Variants in TMEM145 observed in about 807,000 individuals in gnomAD.
The protein encoded by TMEM145 is transmembrane protein 145.
In TMEM145, 46 loss-of-function variants were observed where a neutral mutation model predicts 68.5. The ratio of observed to expected loss-of-function variants is 0.67; its 90% confidence interval spans 0.53 to 0.86. TMEM145 has a LOEUF of 0.86. Ranked by LOEUF, TMEM145 falls within the 40% of genes least tolerant of loss-of-function variation. The pLI is 0.00. For synonymous variants in TMEM145, 255 were observed against 280.2 expected, an observed-to-expected ratio of 0.91 and a Z score of 0.90; for missense variants, 570 against 645.8, an observed-to-expected ratio of 0.88 and a Z score of 1.27.
chr19:42,323,878 C>A, intron 14 of TMEM145, 89 bp downstream of exon 14: 2 of 1,200,352 alleles, frequency 1.7e-6, no homozygotes, highest in Non-Finnish European at 2.4e-6. Flanking sequence ...CCGCCCCCAG[C>A]GCCCGGACCC....
At position 42,314,353 on chromosome 19, in the gene TMEM145, C is replaced by A; in HGVS notation, c.195+7C>A. 3 of 1,614,070 alleles carry A rather than the reference C, an allele frequency of 1.9e-6. No individual in the cohort carries two copies. The highest frequency in any genetic ancestry group is 1.7e-6 in the Non-Finnish European group (2 of 1,180,018). ...CCGTTTCCGCTACCCTGAGGTGAGTCTCCCCCAACACTCGCCATGCTGAGG... is the reference window on the plus strand; with the variant it reads ...CCGTTTCCGCTACCCTGAGGTGAGTATCCCCCAACACTCGCCATGCTGAGG... On this transcript the variant is annotated splice_region_variant and intron_variant, in intron 2 of 14. Coordinates refer to ENST00000301204, the MANE Select transcript of TMEM145 (RefSeq NM_173633.3).
At position 42,313,523 on chromosome 19, in the gene TMEM145, G is replaced by T; in HGVS notation, c.120+27G>T. On this transcript the variant is annotated intron_variant, in intron 1 of 14. Coordinates refer to ENST00000301204, the MANE Select transcript of TMEM145 (RefSeq NM_173633.3). The surrounding 1 kb of genome is among the most constrained non-coding windows in gnomAD (Gnocchi z 5.1). ...TGAGCATGCCGAGCCCTCCTCTGCG[G>T]CCCGCCGGCCCCCGGGGGACGCAAG... 7.9e-7 allele frequency: 1 copy of T among 1,258,406 alleles called. No individual in the cohort carries two copies. Among genetic ancestry groups the T allele is most frequent in the Non-Finnish European group, 1.0e-6 (1 of 995,190 alleles). The allele number at this position is 1,258,406 out of a possible 1,614,324, so 78.0% of individuals were successfully genotyped here. A position where few individuals can be genotyped will look rare whatever the true frequency, so the allele number is the denominator to read the frequency against.
rs2038876003 is a variant in TMEM145, at chr19:42,317,996, G to A, written c.1073+115G>A. 7.5e-6 allele frequency: 9 copies of A among 1,194,700 alleles called. No individual in the cohort carries two copies. The African/African-American group carries it at 9.1e-5, about 12-fold the overall frequency. The allele number at this position is 1,194,700 out of a possible 1,614,324, so 74.0% of individuals were successfully genotyped here. On this transcript the variant is annotated intron_variant, in intron 12 of 14. Transcript: ENST00000301204. ...GGGAGATGGACTTTTCACTCAGGCA[G>A]CTGTTGCCCAGAATCTGCCACTTAC...
chr19:42,317,976 A>G, intron 12 of TMEM145, 95 bp downstream of exon 12: 1 of 1,379,926 alleles, frequency 7.2e-7, no homozygotes, highest in Non-Finnish European at 1.0e-6. Context: ...AGTGAGGGAG[A>G]TGGACTTTTC....
intron 12 of TMEM145, among the ~76,000 whole-genome samples, chr19:42,319,827 T>A (rs2038895078): frequency 6.8e-6 from 1 of 148,124 alleles, no homozygotes; most frequent in Non-Finnish European, 1.5e-5. Context: ...TGGTACAATC[T>A]CCGCTCACTG....
At chr19:42,320,260 T>C (rs1004911998) in intron 12 of TMEM145, 57 bp from the exon 13 acceptor site, 8 of 1,605,580 alleles carry the variant, frequency 5.0e-6, no homozygotes, top group Non-Finnish European at 6.8e-6. Flanking sequence ...GGTGGGGCTA[T>C]AGGGTGGGGT....
In TMEM145 at chr19:42,323,783, C is replaced by A. The variant is rs1453906775; in HGVS notation, c.1395C>A (p.Ala465=). The change falls in exon 14 of 15, where the codon GCC becomes GCA. Residue 465 remains alanine, a synonymous_variant. Coordinates refer to ENST00000301204, the MANE Select transcript of TMEM145 (RefSeq NM_173633.3). ...FTELFSIPPP[A]TSPLPRAAPD... is the part of the protein sequence containing the mutation. ...AGCTCTTCTCCATCCCCCCGCCCGC[C>A]ACCTCCGTAAGCCCCGCGGCCCCAG... is the stretch of plus-strand genomic sequence containing the variant. The A allele has an allele frequency of 5.6e-6, 9 of 1,613,892 alleles. No individual in the cohort carries two copies. The highest frequency in any genetic ancestry group is 7.6e-6 in the Non-Finnish European group (9 of 1,179,904).
In TMEM145 at chr19:42,323,667, C is replaced by T. The variant is rs1268019571; in HGVS notation, c.1279C>T (p.Pro427Ser). The part of the protein sequence containing the change: ...SQIASAGVPG[P>S]GGSQSADKAF... ...GATCGCTTCAGCCGGAGTCCCTGGA[C>T]CCGGAGGGAGCCAATCCGCTGACAA... The change falls in exon 14 of 15, where the codon CCC becomes TCC. Residue 427 changes from proline to serine, a missense_variant. Transcript: ENST00000301204. 3 of 1,614,176 alleles carry T rather than the reference C, an allele frequency of 1.9e-6. No homozygotes were observed. The highest frequency in any genetic ancestry group is 1.6e-4 in the Middle Eastern group (1 of 6,062).
At position 42,314,350 on chromosome 19, in the gene TMEM145, A is replaced by G; in HGVS notation, c.195+4A>G. On this transcript the variant is annotated splice_donor_region_variant and intron_variant, in intron 2 of 14. Coordinates refer to ENST00000301204, the MANE Select transcript of TMEM145 (RefSeq NM_173633.3). ...CTTCCGTTTCCGCTACCCTGAGGTGAGTCTCCCCCAACACTCGCCATGCTG... is the reference window on the plus strand; with the variant it reads ...CTTCCGTTTCCGCTACCCTGAGGTGGGTCTCCCCCAACACTCGCCATGCTG... The G allele has an allele frequency of 6.2e-7, 1 of 1,613,934 alleles. No homozygotes were observed. The highest frequency in any genetic ancestry group is 8.5e-7 in the Non-Finnish European group (1 of 1,179,982).
In TMEM145 at chr19:42,316,866, C is replaced by T. The variant is rs963527421; in HGVS notation, c.807-4C>T. 6.2e-7 allele frequency: 1 copy of T among 1,613,076 alleles called. No homozygotes were observed. The highest frequency in any genetic ancestry group is 1.1e-5 in the South Asian group (1 of 91,078). ...TGCTGTCTCCCCTCATGGCCTGCTG[C>T]CAGGGGCCGCATCAGCCACGCGGGC... is the stretch of plus-strand genomic sequence containing the variant. On this transcript the variant is annotated splice_region_variant and splice_polypyrimidine_tract_variant and intron_variant, in intron 10 of 14. Transcript: ENST00000301204.
intron 14 of TMEM145, chr19:42,324,372 C>T (rs375268286): frequency 6.1e-6 from 6 of 985,150 alleles, no homozygotes; most frequent in East Asian, 1.1e-4. Context: ...GCCTCCCCCC[C>T]ACTTCCCGCT....
Position 42,313,630 on chromosome 19 carries a change from G to C in TMEM145, c.120+134G>C. 1.6e-6 allele frequency: 1 copy of C among 632,686 alleles called. No individual in the cohort carries two copies. The allele number at this position is 632,686 out of a possible 1,614,324, so 39.2% of individuals were successfully genotyped here. A position where few individuals can be genotyped will look rare whatever the true frequency, so the allele number is the denominator to read the frequency against. ...GGGAGCCTCGGGGGAGTGGGGCCGA[G>C]GGCGATGGGGGACTGGGCCAGAGTC... On this transcript the variant is annotated intron_variant, in intron 1 of 14. Transcript: ENST00000301204. This position sits in a 1 kb window ranked among gnomAD's most constrained non-coding sequence, Gnocchi z 5.1.
chr19:42,314,826 G>C lies in TMEM145; in HGVS notation c.395G>C (p.Cys132Ser). Residue 132 changes from cysteine to serine, a missense_variant, in exon 5 of 15, where the codon TGC becomes TCC. Cys to Ser is a moderately radical substitution (Grantham distance 112). Transcript: ENST00000301204. ...VSEEGTRYLS[C>S]SSGRSFRSGD... is the part of the protein sequence containing the mutation. The stretch of plus-strand genomic sequence containing the variant: ...GAGGAGGGAACCCGCTACCTGAGCT[G>C]CTCCAGTGGCCGCAGCTTCCGCTCA... 6.2e-7 allele frequency: 1 copy of C among 1,614,202 alleles called. No individual in the cohort carries two copies. Among genetic ancestry groups the C allele is most frequent in the Non-Finnish European group, 8.5e-7 (1 of 1,180,026 alleles).
At chr19:42,317,099 C>T in intron 11 of TMEM145, 136 bp downstream of exon 11, 1 of 728,172 alleles carries the variant, frequency 1.4e-6, no homozygotes, top group Non-Finnish European at 2.4e-6. Flanking sequence ...CGATTTTCTG[C>T]TTTCCCATCT....
At position 42,315,955 on chromosome 19, in the gene TMEM145, G is replaced by A. The variant is rs1352654900; in HGVS notation, c.646+515G>A. On this transcript the variant is annotated intron_variant, in intron 8 of 14. Coordinates refer to ENST00000301204, the MANE Select transcript of TMEM145 (RefSeq NM_173633.3). ...TGAGGCAGGAGAATTGCTTGAACCC[G>A]GGAGGTGGAGATTGCAGTGAGCCGA... is the stretch of plus-strand genomic sequence containing the variant. Among the ~76,000 whole-genome samples, 5 of 152,214 alleles carry A rather than the reference G, an allele frequency of 3.3e-5. No homozygotes were observed. In the South Asian group the frequency reaches 1.0e-3, roughly 32 times the overall value.
chr19:42,316,367 T>A, intron 8 of TMEM145, 114 bp from the exon 9 acceptor site: 1 of 985,674 alleles, frequency 1.0e-6, no homozygotes. Context: ...GGGTAGAAGG[T>A]CTGGAGTCCT....
At position 42,324,911 on chromosome 19, in the gene TMEM145, G is replaced by T; in HGVS notation, c.*94G>T. 7.4e-7 allele frequency: 1 copy of T among 1,347,314 alleles called. No individual in the cohort carries two copies. The highest frequency in any genetic ancestry group is 1.9e-5 in the South Asian group (1 of 53,052). 83.5% of individuals were successfully genotyped at this position (1,347,314 alleles called of 1,614,324 possible). On this transcript the variant is annotated 3_prime_UTR_variant, in exon 15 of 15. Coordinates refer to ENST00000301204, the MANE Select transcript of TMEM145 (RefSeq NM_173633.3). ...ACCCCGGGATGGATATTGCGATGCT[G>T]GTCTCGACCCTGAAACCCTCCCTCG...
rs1426528175 is a variant in TMEM145 at position 42,313,535 on chromosome 19, CCGGGGGACGCAAGGGAGGCGAGGGGAG to C, written c.120+44_120+70del. 1 of 1,251,922 alleles carries C rather than the reference CCGGGGGACGCAAGGGAGGCGAGGGGAG, an allele frequency of 8.0e-7. No homozygotes were observed. The highest frequency in any genetic ancestry group is 1.0e-6 in the Non-Finnish European group (1 of 991,786). The allele number at this position is 1,251,922 out of a possible 1,614,324, so 77.6% of individuals were successfully genotyped here. A position where few individuals can be genotyped will look rare whatever the true frequency, so the allele number is the denominator to read the frequency against. ...GCCCTCCTCTGCGGCCCGCCGGCCCCCGGGGGACGCAAGGGAGGCGAGGGGAGCGGGTACCGCCTCGCCCCCTGCCGC... is the reference window on the plus strand; with the variant it reads ...GCCCTCCTCTGCGGCCCGCCGGCCCCCGGGTACCGCCTCGCCCCCTGCCGC... On this transcript the variant is annotated intron_variant, in intron 1 of 14. Coordinates refer to ENST00000301204, the MANE Select transcript of TMEM145 (RefSeq NM_173633.3). The surrounding 1 kb of genome is among the most constrained non-coding windows in gnomAD (Gnocchi z 5.1).
rs191010519 is a variant in TMEM145 at position 42,314,539 on chromosome 19, T to G, written c.273+11T>G. Reference sequence around the variant, plus strand: ...AAGGCAGGGGACAAGGTGAGGGCTGTGAAGAGGGCATAGGGGGAGAGGGGA... The same window carrying G: ...AAGGCAGGGGACAAGGTGAGGGCTGGGAAGAGGGCATAGGGGGAGAGGGGA... On this transcript the variant is annotated intron_variant, in intron 3 of 14. Transcript: ENST00000301204. 8.0e-4 allele frequency: 1,298 copies of G among 1,614,050 alleles called. 9 individuals are homozygous for G. The highest frequency in any genetic ancestry group is 7.5e-5 in the Non-Finnish European group (89 of 1,179,984).
Sources: allele counts gnomAD v4.1 joint callset (sites outside exome capture counted in the v4.1 genomes callset), GRCh38; gene constraint gnomAD v4.1.1; non-coding constraint Gnocchi (gnomAD v3.1); transcripts MANE v1.5; gene names NCBI Gene and HGNC (gene_info 2026-07-23, HGNC 2026-07-21).